The following TAF1A variants were observed in gnomAD, a reference collection of about 807,000 sequenced individuals.
The protein encoded by TAF1A is TATA box-binding protein-associated factor RNA polymerase I subunit A.
Under a neutral mutation model 61.6 loss-of-function variants are expected in TAF1A, and 42 were observed. The ratio of observed to expected loss-of-function variants is 0.68; its 90% CI spans 0.53 to 0.88. TAF1A has a LOEUF of 0.88. Among genes scored for constraint, TAF1A ranks in the 40% least tolerant of loss-of-function variants. TAF1A has a pLI of 0.00. For missense variants in TAF1A, 424 were observed against 518.7 expected, an observed-to-expected ratio of 0.82 and a Z score of 1.77; for synonymous variants, 179 against 177.7, an observed-to-expected ratio of 1.01 and a Z score of -0.06.
At chr1:222,575,359 A>T (rs1013084944) in intron 5 of TAF1A, among the ~76,000 whole-genome samples, 1 of 151,270 alleles carries the variant, frequency 6.6e-6, no homozygotes, top group Non-Finnish European at 1.5e-5. Flanking sequence ...CATCTTCACA[A>T]AAAAAAAAAT....
intron 7 of TAF1A, among the ~76,000 whole-genome samples, chr1:222,564,779 G>A (rs76826638): frequency 6.6e-6 from 1 of 151,952 alleles, no homozygotes; most frequent in Admixed American, 6.6e-5. Flanking sequence ...AATTCATTCT[G>A]CTTACTAAAG....
intron 7 of TAF1A, among the ~76,000 whole-genome samples, chr1:222,567,982 G>C (rs1414531703): frequency 6.6e-6 from 1 of 151,922 alleles, no homozygotes; most frequent in African/African-American, 2.4e-5. Context: ...TACATCACTA[G>C]AACACAACAG....
At position 222,561,526 on chromosome 1, in the gene TAF1A, A is replaced by G. The variant is rs1571793781; in HGVS notation, c.1086-8T>C. On this transcript the variant is annotated splice_polypyrimidine_tract_variant and splice_region_variant and intron_variant, in intron 9 of 10. Transcript: ENST00000352967. The stretch of plus-strand genomic sequence containing the variant: ...ACCCACGCAAGGTGGTTTCTGGAAA[A>G]GAAAAATGTCAAAAGAGAGGGTCAA... 1 of 1,586,878 alleles carries G rather than the reference A, an allele frequency of 6.3e-7. No homozygotes were observed. The highest frequency in any genetic ancestry group is 2.3e-5 in the East Asian group (1 of 44,368).
chr1:222,588,609 CCA>C (rs770659753), intron 1 of TAF1A, 44 bp from the exon 2 acceptor site: 112 of 1,595,562 alleles, frequency 7.0e-5, no homozygotes, highest in Non-Finnish European at 8.7e-5. Context: ...ACATCTTAAT[CCA>C]CAGTCTTCTG....
At chr1:222,557,248 T>C (rs1268399017), downstream of TAF1A, among the ~76,000 whole-genome samples, 1 of 152,202 alleles carries the variant, frequency 6.6e-6, no homozygotes, top group Non-Finnish European at 1.5e-5. Context: ...AAGACATTTC[T>C]GAAGAAGCAC....
chr1:222,568,991 T>C (rs1285202026), intron 7 of TAF1A: 3 of 162,258 alleles, frequency 1.8e-5, no homozygotes, highest in African/African-American at 7.2e-5. Context: ...AATGACTACA[T>C]AAGAGTCCAT....
At position 222,558,787 on chromosome 1, in the gene TAF1A, A is replaced by T. The variant is rs891884604; in HGVS notation, c.1241-15T>A. The T allele has an allele frequency of 7.1e-7, 1 of 1,412,256 alleles. No homozygotes were observed. The highest frequency in any genetic ancestry group is 2.3e-5 in the Admixed American group (1 of 42,916). The allele number at this position is 1,412,256 out of a possible 1,614,324, so 87.5% of individuals were successfully genotyped here. On this transcript the variant is annotated splice_polypyrimidine_tract_variant and intron_variant, in intron 10 of 10. Coordinates refer to ENST00000352967, the MANE Select transcript of TAF1A (RefSeq NM_005681.4). The stretch of plus-strand genomic sequence containing the variant: ...ATATCTACAACCTAAAAAGTTAAGC[A>T]AAATAAAAAGTTTTAATACTCATCA...
At chr1:222,557,554 G>A (rs188978207), downstream of TAF1A, among the ~76,000 whole-genome samples, 92 of 152,154 alleles carry the variant, frequency 6.0e-4, no homozygotes, top group East Asian at 3.7e-3. Flanking sequence ...AGTTTCAAGC[G>A]ATTCTCCTGC....
At chr1:222,587,112 T>C (rs1323252136) in intron 2 of TAF1A, among the ~76,000 whole-genome samples, 1 of 152,236 alleles carries the variant, frequency 6.6e-6, no homozygotes, top group Non-Finnish European at 1.5e-5. Context: ...GCGGTAGCAC[T>C]ACCTCTGAAG....
rs922095328 is a variant in TAF1A, at chr1:222,589,768, T to C, written c.-44A>G. The C allele has an allele frequency of 6.4e-6, 2 of 312,928 alleles. No individual in the cohort carries two copies. The highest frequency in any genetic ancestry group is 1.2e-5 in the Non-Finnish European group (2 of 172,162). 19.4% of individuals were successfully genotyped at this position (312,928 alleles called of 1,614,324 possible). A position where few individuals can be genotyped will look rare whatever the true frequency, so the allele number is the denominator to read the frequency against. ...CTCCTCAGTAAAGCTAAACTCAGTC[T>C]CCGACTCCGGCCCACGTGAAGAAAT... On this transcript the variant is annotated 5_prime_UTR_variant, in exon 1 of 11. Coordinates refer to ENST00000352967, the MANE Select transcript of TAF1A (RefSeq NM_005681.4).
At position 222,577,667 on chromosome 1, in the gene TAF1A, C is replaced by A. The variant is rs141066966; in HGVS notation, c.406-24G>T. ...ATCTGCAAAAATAATAAGGGTACAC[C>A]GCCATTTAAGCCATTAGATAACCAT... is the stretch of plus-strand genomic sequence containing the variant. On this transcript the variant is annotated intron_variant, in intron 4 of 10. Transcript: ENST00000352967. 5 of 1,603,006 alleles carry A rather than the reference C, an allele frequency of 3.1e-6. No homozygotes were observed. The South Asian group carries it at 4.4e-5, about 14-fold the overall frequency.
Position 222,579,783 on chromosome 1 carries a change from AT to A in TAF1A, c.380del (p.Asn127IlefsTer5). 1 of 1,611,048 alleles carries A rather than the reference AT, an allele frequency of 6.2e-7. No homozygotes were observed. Among genetic ancestry groups the A allele is most frequent in the Non-Finnish European group, 8.5e-7 (1 of 1,179,224 alleles). On this transcript the variant is annotated frameshift_variant, in exon 4 of 11. Coordinates refer to ENST00000352967, the MANE Select transcript of TAF1A (RefSeq NM_005681.4). LOFTEE classifies it high-confidence loss of function. The part of the protein sequence containing the change: ...SFNTFANRMK[N>X]IGVMNYLKIS... The stretch of plus-strand genomic sequence containing the variant: ...CCTTTAAATAATTCATGACGCCAAT[AT>A]TTTTCATCCGGTTAGCAAAAGTATT...
intron 5 of TAF1A, among the ~76,000 whole-genome samples, chr1:222,571,934 T>C (rs796612355): frequency 2.6e-4 from 39 of 152,268 alleles, no homozygotes; most frequent in East Asian, 1.4e-3. Flanking sequence ...TCTATGACTA[T>C]GGCCAGGCAT....
At position 222,588,429 on chromosome 1, in the gene TAF1A, A is replaced by T; in HGVS notation, c.121+14T>A. 1 of 1,610,412 alleles carries T rather than the reference A, an allele frequency of 6.2e-7. No individual in the cohort carries two copies. The highest frequency in any genetic ancestry group is 8.5e-7 in the Non-Finnish European group (1 of 1,178,796). ...CTTAAAGTTAAAATGGCTCAATGTT[A>T]TTATTTTACTTACCCACAGTTTCTA... On this transcript the variant is annotated intron_variant, in intron 2 of 10. Transcript: ENST00000352967.
chr1:222,566,169 G>A (rs1353294873), intron 7 of TAF1A, among the ~76,000 whole-genome samples: 1 of 152,132 alleles, frequency 6.6e-6, no homozygotes, highest in African/African-American at 2.4e-5. Flanking sequence ...CAGAGGACTT[G>A]AATAGACATT....
chr1:222,561,309 T>A, intron 10 of TAF1A, 55 bp downstream of exon 10: 1 of 1,546,174 alleles, frequency 6.5e-7, no homozygotes, highest in Non-Finnish European at 8.7e-7. Context: ...CCATACTTCA[T>A]AATTTCAAAA....
intron 5 of TAF1A, among the ~76,000 whole-genome samples, chr1:222,571,745 ACT>A (rs1435506871): frequency 1.3e-5 from 2 of 152,100 alleles, no homozygotes; most frequent in East Asian, 1.9e-4. Context: ...ATGAAAAGAC[ACT>A]CTGTGTTCAG....
chr1:222,567,227 T>A (rs556363976), intron 7 of TAF1A, among the ~76,000 whole-genome samples: 22 of 152,224 alleles, frequency 1.4e-4, no homozygotes, highest in Non-Finnish European at 2.2e-4. Flanking sequence ...ATTCCACTTA[T>A]ATGAGGTACC....
At chr1:222,585,205 G>A (rs1273597857) in intron 2 of TAF1A, among the ~76,000 whole-genome samples, 4 of 152,038 alleles carry the variant, frequency 2.6e-5, no homozygotes, top group Admixed American at 6.5e-5. Context: ...GCAGAACAAC[G>A]TAATTTTTTA....
Sources: allele counts gnomAD v4.1 joint callset (sites outside exome capture counted in the v4.1 genomes callset), GRCh38; gene constraint gnomAD v4.1.1; transcripts MANE v1.5; gene names NCBI Gene and HGNC (gene_info 2026-07-23, HGNC 2026-07-21).